The following UTY variants were observed in gnomAD, a reference collection of about 807,000 sequenced individuals.
UTY encodes ubiquitously transcribed tetratricopeptide repeat containing, Y-linked, also known as histone demethylase UTY.
UTY carries 12 observed loss-of-function variants against 32.5 expected under a neutral mutation model. The ratio of observed to expected loss-of-function variants is 0.37; its 90% CI spans 0.24 to 0.60. The LOEUF (loss-of-function observed/expected upper bound fraction) is 0.60, where lower values mean the gene tolerates loss of function less well. Among genes scored for constraint, UTY ranks in the 20% least tolerant of loss-of-function variants. UTY has a pLI of 0.69. For synonymous variants in UTY, 131 were observed against 103.4 expected, an observed-to-expected ratio of 1.27 and a Z score of -1.62; for missense variants, 303 against 299.2, an observed-to-expected ratio of 1.01 and a Z score of -0.09.
intron 6 of UTY, among the ~76,000 whole-genome samples, chrY:13,403,607 T>C (rs2069409737): frequency 1.8e-4 from 6 of 33,984 alleles, no homozygotes. Flanking sequence ...TTAAAACTTA[T>C]GAATTGCTTG....
upstream of UTY, chrY:13,480,133 G>A (rs2079568061): frequency 2.1e-5 from 1 of 46,616 alleles, no homozygotes. Context: ...AAGGACCTAG[G>A]AACATGACAG....
chrY:13,443,375 A>G, intron 4 of UTY, among the ~76,000 whole-genome samples: 1 of 33,203 alleles, frequency 3.0e-5, no homozygotes, highest in Non-Finnish European at 7.4e-5. Flanking sequence ...ACTGGTCAAG[A>G]TAACTAAATT....
chrY:13,448,431 G>T, intron 4 of UTY, among the ~76,000 whole-genome samples: 2 of 32,830 alleles, frequency 6.1e-5, no homozygotes, highest in Non-Finnish European at 1.5e-4. Context: ...AAGCACCATA[G>T]ATTTAAGTTT....
intron 4 of UTY, among the ~76,000 whole-genome samples, chrY:13,427,163 A>G: frequency 5.9e-5 from 2 of 33,781 alleles, no homozygotes; most frequent in Admixed American, 5.3e-4. Flanking sequence ...TTTTCTGTAA[A>G]CCTCCTGGCA....
In UTY at chrY:13,479,549, T is replaced by C; in HGVS notation, c.117A>G (p.Thr39=). 5.0e-6 allele frequency: 2 copies of C among 398,935 alleles called. No individual in the cohort carries two copies. Among genetic ancestry groups the C allele is most frequent in the Non-Finnish European group, 7.1e-6 (2 of 283,648 alleles). ...RESEEESVSL[T]VEEREALGGM... is the part of the protein sequence containing the mutation. Reference sequence around the variant, plus strand: ...CACCAAGCGCCTCCCTTTCCTCGACTGTCAGGCTAACAGACTCCTCTTCAC... The same window carrying C: ...CACCAAGCGCCTCCCTTTCCTCGACCGTCAGGCTAACAGACTCCTCTTCAC... Residue 39 remains threonine (T), a synonymous_variant, in exon 1 of 30, where the codon ACA becomes ACG. Coordinates refer to ENST00000545955, the MANE Select transcript of UTY (RefSeq NM_001258249.2).
chrY:13,366,728 G>A, intron 9 of UTY, among the ~76,000 whole-genome samples: 2 of 34,211 alleles, frequency 5.8e-5, no homozygotes, highest in African/African-American at 1.1e-4. Flanking sequence ...TAAATTTACT[G>A]TCCTTTAAAG....
At chrY:13,408,886 T>TA (rs2070446178) in intron 6 of UTY, among the ~76,000 whole-genome samples, 2 of 31,765 alleles carry the variant, frequency 6.3e-5, no homozygotes, top group Admixed American at 5.7e-4. Flanking sequence ...GCTGAGTGTT[T>TA]AAAAAAAATG....
chrY:13,276,469 G>A, intron 27 of UTY, among the ~76,000 whole-genome samples: 2 of 33,850 alleles, frequency 5.9e-5, no homozygotes. Context: ...CAGCACCTTG[G>A]GAAGCTGAGG....
At chrY:13,445,972 A>G in intron 4 of UTY, among the ~76,000 whole-genome samples, 1 of 33,511 alleles carries the variant, frequency 3.0e-5, no homozygotes, top group Non-Finnish European at 7.4e-5. Flanking sequence ...ATAAATATAC[A>G]CCATGGTATA....
intron 8 of UTY, among the ~76,000 whole-genome samples, chrY:13,378,613 A>G: frequency 3.1e-5 from 1 of 32,370 alleles, no homozygotes; most frequent in African/African-American, 1.2e-4. Context: ...TGTCTCTACT[A>G]AAAGTACAAA....
chrY:13,454,512 A>G (rs2076605793), intron 3 of UTY, among the ~76,000 whole-genome samples: 1 of 33,258 alleles, frequency 3.0e-5, no homozygotes. Flanking sequence ...TTTATATATC[A>G]ATAACAGGCA....
At chrY:13,270,769 T>C in intron 27 of UTY, among the ~76,000 whole-genome samples, 1 of 33,662 alleles carries the variant, frequency 3.0e-5, no homozygotes, top group African/African-American at 1.2e-4. Context: ...TTGAAATACA[T>C]TGTGCATTCT....
intron 27 of UTY, among the ~76,000 whole-genome samples, chrY:13,269,207 C>T: frequency 3.0e-5 from 1 of 33,267 alleles, no homozygotes; most frequent in East Asian, 8.0e-4. Flanking sequence ...AGATGCCCTG[C>T]CCAGAGAGGA....
chrY:13,367,138 C>G (rs1049861211), intron 9 of UTY, among the ~76,000 whole-genome samples: 1 of 33,759 alleles, frequency 3.0e-5, no homozygotes, highest in Non-Finnish European at 7.4e-5. Flanking sequence ...GCCACCACAC[C>G]CATTTATATT....
At chrY:13,300,520 C>T (rs938956990) in intron 25 of UTY, among the ~76,000 whole-genome samples, 5 of 32,988 alleles carry the variant, frequency 1.5e-4, no homozygotes, top group African/African-American at 2.4e-4. Context: ...GGGAGTCGGA[C>T]GTTGCAGTGA....
chrY:13,369,472 G>A (rs2064667118), intron 8 of UTY, 123 bp from the exon 9 acceptor site: 2 of 63,460 alleles, frequency 3.2e-5, no homozygotes, highest in Non-Finnish European at 3.0e-5. Flanking sequence ...AAATCAATAC[G>A]TAATGATGAA....
intron 7 of UTY, among the ~76,000 whole-genome samples, chrY:13,395,985 C>G (rs2068175488): frequency 3.8e-5 from 1 of 26,208 alleles, no homozygotes; most frequent in African/African-American, 1.6e-4. Context: ...CGCCTCACTG[C>G]AATGTCCGCC....
chrY:13,346,967 A>G, intron 17 of UTY, among the ~76,000 whole-genome samples: 1 of 33,620 alleles, frequency 3.0e-5, no homozygotes, highest in Middle Eastern at 0.014. Flanking sequence ...ATAAGTATGT[A>G]CCCACTCAAG....
intron 2 of UTY, among the ~76,000 whole-genome samples, chrY:13,473,523 G>A (rs757437573): frequency 1.8e-3 from 59 of 33,358 alleles, no homozygotes; most frequent in South Asian, 6.6e-3. Context: ...GTTGTGGGAT[G>A]AGCAAGGAGT....
Sources: allele counts gnomAD v4.1 joint callset (sites outside exome capture counted in the v4.1 genomes callset), GRCh38; gene constraint gnomAD v4.1.1; transcripts MANE v1.5; gene names NCBI Gene and HGNC (gene_info 2026-07-23, HGNC 2026-07-21).